The following MARF1 variants were observed in gnomAD, a reference collection of about 807,000 sequenced individuals.
MARF1 encodes the protein meiosis regulator and mRNA stability factor 1.
A neutral mutation model predicts 168.2 loss-of-function variants in MARF1; 24 were observed. The ratio of observed to expected loss-of-function variants is 0.14; its 90% CI spans 0.10 to 0.20. The LOEUF (loss-of-function observed/expected upper bound fraction) is 0.20, where lower values mean the gene tolerates loss of function less well. Ranked by LOEUF, MARF1 falls within the 10% of genes least tolerant of loss-of-function variation. The probability of loss-of-function intolerance (pLI) is 1.00; values close to 1 mark genes in which losing one functional copy is unlikely to be tolerated. For synonymous variants in MARF1, 868 were observed against 822.4 expected (o/e 1.06, Z -0.95); for missense variants, 1,744 against 2,143.6 (o/e 0.81, Z 3.68).
chr16:15,618,593 C>T (rs2034233043), intron 13 of MARF1, among the ~76,000 whole-genome samples: 1 of 152,168 alleles, frequency 6.6e-6, no homozygotes, highest in Non-Finnish European at 1.5e-5. Context: ...GCTCTCTTGG[C>T]ACACATCCTG....
intron 13 of MARF1, among the ~76,000 whole-genome samples, chr16:15,619,790 T>C (rs2034317549): frequency 6.6e-6 from 1 of 152,182 alleles, no homozygotes; most frequent in African/African-American, 2.4e-5. Context: ...GCTGGGTGCT[T>C]AGGATACAGT....
intron 21 of MARF1, among the ~76,000 whole-genome samples, chr16:15,607,367 G>A (rs1042209830): frequency 4.6e-5 from 7 of 152,150 alleles, no homozygotes; most frequent in African/African-American, 1.4e-4. Flanking sequence ...TGGCCAACAC[G>A]GTGAAGCCCT....
Position 15,631,549 on chromosome 16 carries a change from T to A in MARF1, c.1234-51A>T, listed in dbSNP as rs780468601. On this transcript the variant is annotated intron_variant, in intron 5 of 26. Transcript: ENST00000396368. The stretch of plus-strand genomic sequence containing the variant: ...ATAAGCAGGAGCTGAGGCTAGAAAA[T>A]TGCTACACATTCTGCCCATATTTTT... 4.0e-6 allele frequency: 5 copies of A among 1,256,214 alleles called. No individual in the cohort carries two copies. In the South Asian group the frequency reaches 6.4e-5, roughly 16 times the overall value. 77.8% of individuals were successfully genotyped at this position (1,256,214 alleles called of 1,614,324 possible).
intron 15 of MARF1, 198 bp downstream of exon 15, chr16:15,616,854 C>A: frequency 1.8e-6 from 1 of 562,992 alleles, no homozygotes; most frequent in Non-Finnish European, 3.1e-6. Context: ...TCTTATGGGA[C>A]CACTGTCCTA....
intron 21 of MARF1, among the ~76,000 whole-genome samples, chr16:15,606,374 C>T (rs2033015198): frequency 2.0e-5 from 3 of 152,148 alleles, no homozygotes; most frequent in Admixed American, 2.0e-4. Context: ...TGAACCGACA[C>T]CTGCATAGCC....
At position 15,634,846 on chromosome 16, in the gene MARF1, G is replaced by A; in HGVS notation, c.917C>T (p.Pro306Leu). The A allele has an allele frequency of 1.2e-6, 2 of 1,614,122 alleles. No homozygotes were observed. Reference sequence around the variant, plus strand: ...TTTGGTTCCACAGCCATTACACAGAGGGACAGCAAGAGGTGCAGGTTGAGT... The same window carrying A: ...TTTGGTTCCACAGCCATTACACAGAAGGACAGCAAGAGGTGCAGGTTGAGT... ...PNTQPAPLAV[P>L]LCNGCGTKGT... Residue 306 changes from proline (P) to leucine (L), a missense_variant, in exon 4 of 27, where the codon CCT becomes CTT. By Grantham distance (98) the Pro-to-Leu change is moderately conservative (BLOSUM62 -3). This residue lies in a region of MARF1 where 217 missense variants were observed against 372.4 expected (regional missense o/e 0.58). Coordinates refer to ENST00000396368, the MANE Select transcript of MARF1 (RefSeq NM_014647.4).
intron 13 of MARF1, among the ~76,000 whole-genome samples, chr16:15,620,088 T>C (rs2034345031): frequency 6.6e-6 from 1 of 152,046 alleles, no homozygotes; most frequent in South Asian, 2.1e-4. Flanking sequence ...TCACCTGAAC[T>C]TGTGAGGCAG....
chr16:15,623,522 C>A (rs1298981113), intron 10 of MARF1, among the ~76,000 whole-genome samples: 1 of 152,028 alleles, frequency 6.6e-6, no homozygotes, highest in Admixed American at 6.5e-5. Context: ...CTCAAGTGAT[C>A]CACCTGCCTC....
At chr16:15,642,276 C>T (rs1037587879) in intron 1 of MARF1, among the ~76,000 whole-genome samples, 1 of 152,204 alleles carries the variant, frequency 6.6e-6, no homozygotes, top group Middle Eastern at 3.4e-3. Flanking sequence ...TATCTTTCTC[C>T]CCCATTAGGC....
rs753172851 is a variant in MARF1 at position 15,611,100 on chromosome 16, G to A, written c.3626C>T (p.Ser1209Leu). The A allele has an allele frequency of 9.3e-6, 15 of 1,613,706 alleles. No individual in the cohort carries two copies. The highest frequency in any genetic ancestry group is 1.1e-5 in the Non-Finnish European group (13 of 1,179,762). The change falls in exon 19 of 27, where the codon TCA (serine) becomes TTA (leucine). Residue 1209 changes from serine to leucine, a missense_variant. This residue lies in a region of MARF1 where 543 missense variants were observed against 742.1 expected (regional missense o/e 0.73). Transcript: ENST00000396368. ...EFSQAYHWCF[S>L]KDWDVTEYGV... Reference sequence around the variant, plus strand: ...ATATTCAGTGACATCCCAGTCCTTTGAGAAACACCTAGGTTTTAACAACGG... The same window carrying A: ...ATATTCAGTGACATCCCAGTCCTTTAAGAAACACCTAGGTTTTAACAACGG...
intron 16 of MARF1, among the ~76,000 whole-genome samples, chr16:15,614,329 A>G (rs1007161314): frequency 6.7e-6 from 1 of 149,970 alleles, no homozygotes; most frequent in Non-Finnish European, 1.5e-5. Flanking sequence ...AAAAATACAA[A>G]AAAAATAGCC....
intron 21 of MARF1, among the ~76,000 whole-genome samples, chr16:15,606,741 C>G (rs536215054): frequency 9.2e-5 from 14 of 152,252 alleles, no homozygotes; most frequent in African/African-American, 3.4e-4. Flanking sequence ...TACCCCTTCT[C>G]GCCCTTGTAT....
At chr16:15,606,145 G>C (rs1455299732) in intron 21 of MARF1, 1 of 152,354 alleles carries the variant, frequency 6.6e-6, no homozygotes, top group Non-Finnish European at 1.5e-5. Flanking sequence ...TGGGAGTGCA[G>C]AAAGAGACTC....
chr16:15,625,168 C>A lies in MARF1; in HGVS notation c.1959G>T (p.Leu653=). Residue 653 remains leucine (L), a synonymous_variant, in exon 9 of 27, where the codon CTG becomes CTT. Coordinates refer to ENST00000396368, the MANE Select transcript of MARF1 (RefSeq NM_014647.4). The part of the protein sequence containing the change: ...KNTNVKSLQE[L]CRMESKTGHR... ...GACCAGTTTTTGACTCCATGCGGCA[C>A]AGCTCCTTCAAAGACACAAGCACAG... 6.2e-7 allele frequency: 1 copy of A among 1,613,930 alleles called. No homozygotes were observed. The highest frequency in any genetic ancestry group is 8.5e-7 in the Non-Finnish European group (1 of 1,179,934).
chr16:15,616,233 G>A (rs2034033290), intron 15 of MARF1, among the ~76,000 whole-genome samples: 1 of 152,108 alleles, frequency 6.6e-6, no homozygotes, highest in African/African-American at 2.4e-5. Flanking sequence ...CCAGGAGGGG[G>A]ATTAAAAATA....
intron 4 of MARF1, 130 bp downstream of exon 4, chr16:15,634,627 G>T: frequency 1.3e-6 from 1 of 793,180 alleles, no homozygotes. Context: ...CCAAGATATG[G>T]AATTGGAGAC....
chr16:15,642,053 C>T (rs1240865762), intron 1 of MARF1, among the ~76,000 whole-genome samples: 1 of 152,184 alleles, frequency 6.6e-6, no homozygotes, highest in East Asian at 1.9e-4. Context: ...CCTCTCTGAA[C>T]CTCAGATCCC....
intron 4 of MARF1, among the ~76,000 whole-genome samples, chr16:15,634,167 A>G (rs941897626): frequency 3.9e-5 from 6 of 152,150 alleles, no homozygotes; most frequent in Non-Finnish European, 7.3e-5. Flanking sequence ...ACACTAACTG[A>G]CCGGATACTG....
At chr16:15,626,961 G>A (rs1354952774) in intron 7 of MARF1, among the ~76,000 whole-genome samples, 14 of 116,352 alleles carry the variant, frequency 1.2e-4, no homozygotes, top group Non-Finnish European at 1.4e-4. Context: ...GAGATTCTGT[G>A]AAAAAAAAAA....
Sources: gnomAD v4.1 joint callset for allele counts (sites outside exome capture counted in the v4.1 genomes callset) on GRCh38, gnomAD v4.1.1 for gene constraint, gnomAD v4.1.1 regional missense constraint, MANE v1.5 for transcripts, NCBI Gene and HGNC (gene_info 2026-07-23, HGNC 2026-07-21) for gene names.